The following UBQLN1 variants were observed in gnomAD, a reference collection of about 807,000 sequenced individuals.
UBQLN1 encodes the protein ubiquilin-1.
UBQLN1 carries 13 observed loss-of-function variants against 65.4 expected under a neutral mutation model. That is an observed-to-expected ratio of 0.20 (90% CI 0.13 to 0.32). The LOEUF is 0.32. Among genes scored for constraint, UBQLN1 ranks in the 10% least tolerant of loss-of-function variants. The pLI, the probability that UBQLN1 is intolerant of heterozygous loss-of-function variation, is 1.00. For missense variants in UBQLN1, 561 were observed against 724.0 expected (o/e 0.77, Z 2.58); for synonymous variants, 267 against 247.8 (o/e 1.08, Z -0.73).
At chr9:83,667,168 T>A (rs1831656562) in intron 7 of UBQLN1, 1 of 152,198 alleles carries the variant, frequency 6.6e-6, no homozygotes, top group Non-Finnish European at 1.5e-5. Flanking sequence ...CAAATAAACG[T>A]TAAGAATTTA....
At chr9:83,689,350 T>C (rs1234099684) in intron 1 of UBQLN1, among the ~76,000 whole-genome samples, 2 of 152,232 alleles carry the variant, frequency 1.3e-5, no homozygotes, top group Non-Finnish European at 1.5e-5. Flanking sequence ...TTCTGCCTTT[T>C]GGCTATTATA....
intron 3 of UBQLN1, among the ~76,000 whole-genome samples, chr9:83,680,792 C>G (rs1831927207): frequency 1.3e-5 from 2 of 152,132 alleles, no homozygotes; most frequent in South Asian, 2.1e-4. Context: ...AGGAGGAGGT[C>G]AGGGGAACCC....
At chr9:83,685,553 C>T (rs1435852962) in intron 2 of UBQLN1, among the ~76,000 whole-genome samples, 1 of 151,408 alleles carries the variant, frequency 6.6e-6, no homozygotes, top group Non-Finnish European at 1.5e-5. Flanking sequence ...ACCTACAGTC[C>T]CAGGCTGACA....
Position 83,665,017 on chromosome 9 carries a change from C to T in UBQLN1, c.1448+13G>A. 2 of 1,581,828 alleles carry T rather than the reference C, an allele frequency of 1.3e-6. No homozygotes were observed. Among genetic ancestry groups the T allele is most frequent in the African/African-American group, 2.7e-5 (2 of 73,536 alleles). On this transcript the variant is annotated intron_variant, in intron 9 of 10. Transcript: ENST00000376395. ...CATTATACACTTTCATTATCTTCCC[C>T]AAATAAGCCTACCCTGGGATGAGGC...
chr9:83,686,193 T>C, intron 1 of UBQLN1, 38 bp from the exon 2 acceptor site: 1 of 1,386,276 alleles, frequency 7.2e-7, no homozygotes, highest in Non-Finnish European at 9.7e-7. Flanking sequence ...TACAGTTGTT[T>C]GCACAGCACC....
chr9:83,666,657 TATG>T, intron 7 of UBQLN1: 1 of 412,534 alleles, frequency 2.4e-6, no homozygotes, highest in Middle Eastern at 6.5e-4. Flanking sequence ...GAATGGTGGT[TATG>T]ATAATGACAT....
intron 7 of UBQLN1, 155 bp downstream of exon 7, chr9:83,669,023 TGCAAAGA>T (rs1258645543): frequency 1.3e-6 from 1 of 778,504 alleles, no homozygotes. Flanking sequence ...ATTAATTTAC[TGCAAAGA>T]AACACACGGT....
intron 2 of UBQLN1, among the ~76,000 whole-genome samples, chr9:83,685,676 G>C (rs1218157582): frequency 6.6e-6 from 1 of 150,966 alleles, no homozygotes. Context: ...TTCGTGGTTT[G>C]CTAAGGAGAT....
At position 83,706,214 on chromosome 9, in the gene UBQLN1, C is replaced by T. The variant is rs117667728; in HGVS notation, c.180+1286G>A. Among the ~76,000 whole-genome samples, 117 of 152,246 alleles carry T rather than the reference C, an allele frequency of 7.7e-4. No homozygotes were observed. The East Asian group carries it at 0.018, about 23-fold the overall frequency. On this transcript the variant is annotated intron_variant, in intron 1 of 10. Coordinates refer to ENST00000376395, the MANE Select transcript of UBQLN1 (RefSeq NM_013438.5). ...TACTGGTGTCATCTACTGATACGTG[C>T]AACTTACTCTGAATTGCTCCCCAAA...
rs763880196 is a variant in UBQLN1 at position 83,664,003 on chromosome 9, A to G, written c.1489T>C (p.Ser497Pro). The change falls in exon 10 of 11, where the codon TCT becomes CCT. Residue 497 changes from serine (S) to proline (P), a missense_variant. Coordinates refer to ENST00000376395, the MANE Select transcript of UBQLN1 (RefSeq NM_013438.5). ...GLGALGSTGG[S>P]SGTNGSNATP... ...GCGTTAGATCCATTAGTTCCCGAAG[A>G]GCCTCCAGTGCTTCCTAATGCCCCC... is the stretch of plus-strand genomic sequence containing the variant. 1.2e-6 allele frequency: 2 copies of G among 1,614,186 alleles called. No individual in the cohort carries two copies. Among genetic ancestry groups the G allele is most frequent in the Middle Eastern group, 1.6e-4 (1 of 6,062 alleles).
chr9:83,706,730 G>C (rs557272121), intron 1 of UBQLN1, among the ~76,000 whole-genome samples: 45 of 152,084 alleles, frequency 3.0e-4, no homozygotes, highest in African/African-American at 1.1e-3. Context: ...CATTCACTCC[G>C]ATTTTCTTTT....
intron 6 of UBQLN1, among the ~76,000 whole-genome samples, chr9:83,672,715 GAC>G (rs1252614493): frequency 2.0e-5 from 3 of 152,304 alleles, no homozygotes; most frequent in African/African-American, 7.2e-5. Flanking sequence ...ATCAAAATGT[GAC>G]ACAGAGACAT....
chr9:83,660,360 A>C lies in UBQLN1; in HGVS notation c.*1427T>G, dbSNP rs577030778. 2.0e-5 allele frequency: 3 copies of C among 152,728 alleles called. No individual in the cohort carries two copies. In the South Asian group the frequency reaches 6.2e-4, roughly 32 times the overall value. The allele number at this position is 152,728 out of a possible 1,614,324, so 9.5% of individuals were successfully genotyped here. A position where few individuals can be genotyped will look rare whatever the true frequency, so the allele number is the denominator to read the frequency against. The stretch of plus-strand genomic sequence containing the variant: ...CCTGTAACTGTACATGAGAGAATAT[A>C]ATCACCTAAGAGAATACTGAACCAG... On this transcript the variant is annotated 3_prime_UTR_variant, in exon 11 of 11. Transcript: ENST00000376395.
chr9:83,677,526 T>C lies in UBQLN1; in HGVS notation c.1105+201A>G, dbSNP rs565769559. ...GCGGTGAGCTGAGATCGTGCCATTG[T>C]ACTCCAGCCTGTGCAACAAGAGCGA... is the stretch of plus-strand genomic sequence containing the variant. On this transcript the variant is annotated intron_variant, in intron 6 of 10. Coordinates refer to ENST00000376395, the MANE Select transcript of UBQLN1 (RefSeq NM_013438.5). 8.3e-3 allele frequency among the ~76,000 whole-genome samples: 1,265 copies of C among 152,264 alleles called. 35 individuals are homozygous for C. Among genetic ancestry groups the C allele is most frequent in the East Asian group, 0.045 (235 of 5,170 alleles).
chr9:83,672,462 G>C (rs1831749425), intron 6 of UBQLN1, among the ~76,000 whole-genome samples: 1 of 152,156 alleles, frequency 6.6e-6, no homozygotes, highest in Non-Finnish European at 1.5e-5. Context: ...CCACTGTAGA[G>C]TTATTAACTG....
At chr9:83,675,798 A>AT (rs771563034) in intron 6 of UBQLN1, among the ~76,000 whole-genome samples, 1 of 152,226 alleles carries the variant, frequency 6.6e-6, no homozygotes, top group Non-Finnish European at 1.5e-5. Context: ...ACATATCAGT[A>AT]TTAACAGATG....
chr9:83,693,693 G>C (rs963550942), intron 1 of UBQLN1, among the ~76,000 whole-genome samples: 1 of 152,200 alleles, frequency 6.6e-6, no homozygotes, highest in Non-Finnish European at 1.5e-5. Context: ...GCTGAGGGCT[G>C]ACTTTGCTTA....
intron 1 of UBQLN1, among the ~76,000 whole-genome samples, chr9:83,689,038 T>C (rs1168680206): frequency 6.6e-6 from 1 of 152,200 alleles, no homozygotes; most frequent in Non-Finnish European, 1.5e-5. Flanking sequence ...TTTCAGAACA[T>C]TTTCATTACC....
intron 1 of UBQLN1, among the ~76,000 whole-genome samples, chr9:83,700,694 G>A (rs1832295604): frequency 6.6e-6 from 1 of 152,154 alleles, no homozygotes; most frequent in African/African-American, 2.4e-5. Flanking sequence ...ATTCTAGGTA[G>A]CAAGAACAAA....
Sources: gnomAD v4.1 joint callset for allele counts (sites outside exome capture counted in the v4.1 genomes callset) on GRCh38, gnomAD v4.1.1 for gene constraint, MANE v1.5 for transcripts, NCBI Gene and HGNC (gene_info 2026-07-23, HGNC 2026-07-21) for gene names.